Variants in ARMC9 observed in about 807,000 individuals in gnomAD.
ARMC9 encodes armadillo repeat containing 9, also known as lisH domain-containing protein ARMC9.
Under a neutral mutation model 107.0 loss-of-function variants are expected in ARMC9, and 94 were observed. The observed-to-expected ratio is 0.88, with a 90% CI of 0.74 to 1.04. The LOEUF (loss-of-function observed/expected upper bound fraction) is 1.04, where lower values mean the gene tolerates loss of function less well. ARMC9 is among the 50% of genes least tolerant of loss of function. ARMC9 has a pLI of 0.00. For missense variants in ARMC9, 942 were observed against 1,030.1 expected (o/e 0.91, Z 1.17); for synonymous variants, 380 against 396.9 (o/e 0.96, Z 0.51).
At chr2:231,302,123 TAAA>T (rs2041769596) in intron 19 of ARMC9, among the ~76,000 whole-genome samples, 1 of 152,178 alleles carries the variant, frequency 6.6e-6, no homozygotes, top group Non-Finnish European at 1.5e-5. Context: ...TTGTAGTCAT[TAAA>T]TATGTTATGC....
chr2:231,231,653 G>C (rs955633643), intron 7 of ARMC9, among the ~76,000 whole-genome samples: 2 of 151,584 alleles, frequency 1.3e-5, no homozygotes, highest in African/African-American at 4.9e-5. Context: ...CAAAGTGCTG[G>C]GATTATAGAT....
At chr2:231,199,500 G>T (rs2030398421) in intron 1 of ARMC9, among the ~76,000 whole-genome samples, 1 of 152,188 alleles carries the variant, frequency 6.6e-6, no homozygotes, top group Admixed American at 6.5e-5. Flanking sequence ...ACTTACTGTG[G>T]CTGTTGGGAG....
intron 3 of ARMC9, 125 bp from the exon 4 acceptor site, chr2:231,214,706 C>A: frequency 1.0e-6 from 1 of 1,003,034 alleles, no homozygotes; most frequent in Non-Finnish European, 1.4e-6. Context: ...CCTGTGGGAT[C>A]TCTATTTTTC....
At chr2:231,227,593 C>A (rs1416255959) in intron 7 of ARMC9, among the ~76,000 whole-genome samples, 1 of 152,180 alleles carries the variant, frequency 6.6e-6, no homozygotes, top group Non-Finnish European at 1.5e-5. Context: ...GAACTCCCTG[C>A]CATTGCTTTT....
intron 4 of ARMC9, among the ~76,000 whole-genome samples, chr2:231,215,657 T>G (rs991808420): frequency 6.6e-6 from 1 of 152,126 alleles, no homozygotes; most frequent in Admixed American, 6.6e-5. Context: ...GAGCTTTGAG[T>G]GCAGAGTAAA....
At chr2:231,205,937 C>T (rs1191268508) in intron 1 of ARMC9, among the ~76,000 whole-genome samples, 1 of 152,170 alleles carries the variant, frequency 6.6e-6, no homozygotes, top group Non-Finnish European at 1.5e-5. Context: ...CCTCCGTCTG[C>T]CCCCCTCCCT....
At chr2:231,285,055 G>A (rs905769293) in intron 17 of ARMC9, among the ~76,000 whole-genome samples, 9 of 151,298 alleles carry the variant, frequency 5.9e-5, no homozygotes, top group South Asian at 4.2e-4. Context: ...AAAATTAGCC[G>A]CGTGTGGTGG....
chr2:231,261,071 T>A (rs930633312), intron 11 of ARMC9, among the ~76,000 whole-genome samples: 1 of 152,224 alleles, frequency 6.6e-6, no homozygotes, highest in Non-Finnish European at 1.5e-5. Flanking sequence ...GGGCGTCTGA[T>A]GCTCTGGCCT....
chr2:231,205,387 A>G (rs1368072604), intron 1 of ARMC9, among the ~76,000 whole-genome samples: 1 of 152,112 alleles, frequency 6.6e-6, no homozygotes, highest in Non-Finnish European at 1.5e-5. Flanking sequence ...AAATTCGATG[A>G]GTTCTGACAC....
Position 231,282,080 on chromosome 2 carries a change from G to GCT in ARMC9, c.1576_1577dup (p.Tyr527CysfsTer34). On this transcript the variant is annotated frameshift_variant, in exon 17 of 25. Coordinates refer to ENST00000611582, the MANE Select transcript of ARMC9 (RefSeq NM_001352754.2). LOFTEE classifies it high-confidence loss of function. ...AAAGATACAGCCGTATGTGAATGGAGCTCTGTACAGCATCCTTTCTGTTCC... is the reference window on the plus strand; with the variant it reads ...AAAGATACAGCCGTATGTGAATGGAGCTCTCTGTACAGCATCCTTTCTGTTCC... The GCT allele has an allele frequency of 6.2e-7, 1 of 1,614,106 alleles. No homozygotes were observed. Among genetic ancestry groups the GCT allele is most frequent in the Non-Finnish European group, 8.5e-7 (1 of 1,179,972 alleles).
At chr2:231,339,224 A>G (rs1455990928) in intron 20 of ARMC9, among the ~76,000 whole-genome samples, 3 of 152,012 alleles carry the variant, frequency 2.0e-5, no homozygotes, top group Non-Finnish European at 4.4e-5. Context: ...GCTACTCAGG[A>G]GGCTGAGGCA....
intron 6 of ARMC9, among the ~76,000 whole-genome samples, chr2:231,224,401 G>A (rs1029827778): frequency 6.6e-6 from 1 of 152,182 alleles, no homozygotes; most frequent in Non-Finnish European, 1.5e-5. Context: ...GCATTGAGCT[G>A]TGTATTCTGC....
At chr2:231,288,974 A>G (rs866770086) in intron 17 of ARMC9, among the ~76,000 whole-genome samples, 2 of 152,124 alleles carry the variant, frequency 1.3e-5, no homozygotes, top group African/African-American at 4.8e-5. Flanking sequence ...CTTTTTGCAC[A>G]CTGCTTGTAT....
At chr2:231,256,322 G>A in intron 9 of ARMC9, 1 of 1,549,736 alleles carries the variant, frequency 6.5e-7, no homozygotes, top group Non-Finnish European at 8.7e-7. Flanking sequence ...CTTGCTCGCT[G>A]GGTCTTGGAT....
chr2:231,329,984 T>A (rs1406652612), intron 19 of ARMC9, among the ~76,000 whole-genome samples: 1 of 152,208 alleles, frequency 6.6e-6, no homozygotes, highest in Non-Finnish European at 1.5e-5. Flanking sequence ...GTTCAATTTC[T>A]CCAGCACTAT....
At chr2:231,340,820 G>A (rs1188863969) in intron 20 of ARMC9, among the ~76,000 whole-genome samples, 2 of 152,124 alleles carry the variant, frequency 1.3e-5, no homozygotes, top group Admixed American at 6.6e-5. Flanking sequence ...CCCGGGAGAC[G>A]GAGGTTGCAG....
intron 20 of ARMC9, among the ~76,000 whole-genome samples, chr2:231,334,885 T>C (rs973394238): frequency 1.3e-5 from 2 of 152,252 alleles, no homozygotes; most frequent in African/African-American, 4.8e-5. Flanking sequence ...GCGTTTTGTG[T>C]GTGTGCCAAG....
chr2:231,301,915 G>T (rs2041754647), intron 19 of ARMC9, among the ~76,000 whole-genome samples: 1 of 151,952 alleles, frequency 6.6e-6, no homozygotes, highest in South Asian at 2.1e-4. Context: ...GGAGGTGGAG[G>T]TTGCAGTGAT....
intron 13 of ARMC9, 152 bp from the exon 14 acceptor site, chr2:231,272,803 A>G: frequency 1.0e-6 from 1 of 995,196 alleles, no homozygotes; most frequent in Non-Finnish European, 1.4e-6. Context: ...GGCGTGAGCC[A>G]CCGCGCCCTG....
Sources: gnomAD v4.1 joint callset for allele counts (sites outside exome capture counted in the v4.1 genomes callset) on GRCh38, gnomAD v4.1.1 for gene constraint, MANE v1.5 for transcripts, NCBI Gene and HGNC (gene_info 2026-07-23, HGNC 2026-07-21) for gene names.